Variants in GLIS3 observed in about 807,000 individuals in gnomAD.
GLIS3 encodes the protein GLIS family zinc finger 3.
GLIS3 carries 53 observed loss-of-function variants against 78.6 expected under a neutral mutation model. That is an observed-to-expected ratio of 0.67 (90% confidence interval 0.54 to 0.85). The LOEUF is 0.85. Among genes scored for constraint, GLIS3 ranks in the 40% least tolerant of loss-of-function variants. GLIS3 has a pLI of 0.00. For missense variants in GLIS3, 1,703 were observed against 1,231.1 expected (o/e 1.38, Z -5.74); for synonymous variants, 684 against 509.9 (o/e 1.34, Z -4.60).
intron 6 of GLIS3, among the ~76,000 whole-genome samples, chr9:3,916,242 CG>C (rs1824502850): frequency 6.6e-6 from 1 of 152,176 alleles, no homozygotes. Flanking sequence ...ATGTGAAATA[CG>C]GGCGACTTAA....
chr9:3,921,174 G>A (rs1198184210), intron 6 of GLIS3, among the ~76,000 whole-genome samples: 1 of 152,160 alleles, frequency 6.6e-6, no homozygotes, highest in Non-Finnish European at 1.5e-5. Flanking sequence ...TGTGTATCTC[G>A]AAATGAGGAC....
intron 4 of GLIS3, among the ~76,000 whole-genome samples, chr9:3,998,466 A>G (rs1820896777): frequency 1.3e-5 from 2 of 152,022 alleles, no homozygotes; most frequent in Admixed American, 1.3e-4. Context: ...ACAATAATGT[A>G]CTTACCTACT....
the GLIS3 span, among the ~76,000 whole-genome samples, chr9:4,427,424 C>T: frequency 1.3e-5 from 2 of 152,156 alleles, no homozygotes; most frequent in African/African-American, 4.8e-5. Context: ...AAAGCAACTT[C>T]CATCTGACAT....
the GLIS3 span, among the ~76,000 whole-genome samples, chr9:4,358,107 T>A: frequency 1.3e-5 from 2 of 152,068 alleles, no homozygotes; most frequent in East Asian, 3.9e-4. Context: ...CCCATTTGTG[T>A]GTATGTATAT....
At chr9:4,011,989 T>C (rs1214662384) in intron 4 of GLIS3, among the ~76,000 whole-genome samples, 2 of 151,804 alleles carry the variant, frequency 1.3e-5, no homozygotes, top group African/African-American at 4.8e-5. Context: ...GAGGGGGAGG[T>C]ATTAGAGGCA....
At chr9:4,112,182 T>A (rs571378114) in intron 4 of GLIS3, among the ~76,000 whole-genome samples, 1 of 152,192 alleles carries the variant, frequency 6.6e-6, no homozygotes, top group Non-Finnish European at 1.5e-5. Context: ...AAACTTCGAC[T>A]AATAATTGTG....
chr9:4,061,204 A>C (rs145800690), intron 4 of GLIS3, among the ~76,000 whole-genome samples: 32,036 of 139,386 alleles, frequency 0.23, 4,590 homozygotes, highest in South Asian at 0.44. Context: ...TCCTAATGCT[A>C]TCCCTCCCCC....
intron 2 of GLIS3, among the ~76,000 whole-genome samples, chr9:4,281,926 C>T (rs1283232593): frequency 1.3e-5 from 2 of 152,210 alleles, no homozygotes; most frequent in Non-Finnish European, 2.9e-5. Context: ...CACTGTGGCA[C>T]TCCAGTGACC....
At chr9:3,873,391 G>A (rs1042212184) in intron 8 of GLIS3, among the ~76,000 whole-genome samples, 1 of 152,108 alleles carries the variant, frequency 6.6e-6, no homozygotes, top group Admixed American at 6.5e-5. Context: ...CGATTTATAC[G>A]AGGGAAGCAA....
chr9:4,419,658 T>C, the GLIS3 span, among the ~76,000 whole-genome samples: 1 of 151,880 alleles, frequency 6.6e-6, no homozygotes, highest in African/African-American at 2.4e-5. Context: ...TCCACGCCTG[T>C]AGTCCCAGCT....
At chr9:3,890,649 A>G (rs982735397) in intron 7 of GLIS3, among the ~76,000 whole-genome samples, 2 of 152,156 alleles carry the variant, frequency 1.3e-5, no homozygotes, top group African/African-American at 2.4e-5. Flanking sequence ...AACCTCCCCA[A>G]ACTGAACATC....
chr9:4,266,228 C>G (rs1825995109), intron 2 of GLIS3, among the ~76,000 whole-genome samples: 1 of 151,942 alleles, frequency 6.6e-6, no homozygotes, highest in African/African-American at 2.4e-5. Context: ...CGCACTCACC[C>G]TGCTTCTTAA....
chr9:4,407,004 G>A, the GLIS3 span, among the ~76,000 whole-genome samples: 3 of 152,088 alleles, frequency 2.0e-5, 1 homozygote, highest in South Asian at 6.2e-4. Context: ...TGAGAAAAAA[G>A]AACAAAACTG....
the GLIS3 span, among the ~76,000 whole-genome samples, chr9:4,371,380 C>A: frequency 2.6e-5 from 4 of 152,220 alleles, no homozygotes; most frequent in African/African-American, 9.7e-5. Flanking sequence ...TGACCTCAGT[C>A]GTCCTAAGCC....
chr9:4,334,927 G>C (rs4740767), intron 2 of GLIS3, among the ~76,000 whole-genome samples: 1 of 103,502 alleles, frequency 9.7e-6, no homozygotes, highest in Admixed American at 9.1e-5. Flanking sequence ...TTTTTTTTTT[G>C]AAACGGAGTC....
chr9:4,276,731 C>T (rs569699985), intron 2 of GLIS3, among the ~76,000 whole-genome samples: 1 of 152,246 alleles, frequency 6.6e-6, no homozygotes, highest in South Asian at 2.1e-4. Flanking sequence ...AATCACGCCT[C>T]CGATTGAGTA....
chr9:4,149,959 G>A (rs1474470251), intron 2 of GLIS3, among the ~76,000 whole-genome samples: 1 of 152,128 alleles, frequency 6.6e-6, no homozygotes, highest in Admixed American at 6.5e-5. Context: ...TTTTATTCAC[G>A]AAGAGTCTTG....
intron 4 of GLIS3, among the ~76,000 whole-genome samples, chr9:4,042,278 A>T (rs1285142990): frequency 6.6e-6 from 1 of 152,210 alleles, no homozygotes; most frequent in African/African-American, 2.4e-5. Context: ...AGTATCCAAG[A>T]TGTAAACATT....
chr9:4,010,472 C>G (rs1428037658), intron 4 of GLIS3, among the ~76,000 whole-genome samples: 2 of 152,104 alleles, frequency 1.3e-5, no homozygotes, highest in Non-Finnish European at 2.9e-5. Flanking sequence ...TACTGCAGGG[C>G]TCCAGGTTAT....
Sources: gnomAD v4.1 joint callset for allele counts (sites outside exome capture counted in the v4.1 genomes callset) on GRCh38, gnomAD v4.1.1 for gene constraint, MANE v1.5 for transcripts, NCBI Gene and HGNC (gene_info 2026-07-23, HGNC 2026-07-21) for gene names.